DIAPH3: variants seen among roughly 807,000 people sequenced by gnomAD.
DIAPH3 encodes diaphanous related formin 3.
In DIAPH3, 117 loss-of-function variants were observed where a neutral mutation model predicts 144.3. That is an observed-to-expected ratio of 0.81 (90% CI 0.70 to 0.95). DIAPH3 has a LOEUF of 0.95. Ranked by LOEUF, DIAPH3 falls within the 40% of genes least tolerant of loss-of-function variation. DIAPH3 has a pLI of 0.00. For missense variants in DIAPH3, 1,421 were observed against 1,412.7 expected (o/e 1.01, Z -0.09); for synonymous variants, 519 against 488.9 (o/e 1.06, Z -0.81).
intron 25 of DIAPH3, among the ~76,000 whole-genome samples, chr13:59,780,672 C>T (rs2038690048): frequency 6.6e-6 from 1 of 152,106 alleles, no homozygotes; most frequent in Non-Finnish European, 1.5e-5. Context: ...AAAGTGGAAT[C>T]AATAGGTCTT....
intron 5 of DIAPH3, among the ~76,000 whole-genome samples, chr13:60,037,699 C>A (rs1213210643): frequency 6.6e-6 from 1 of 151,716 alleles, no homozygotes; most frequent in Non-Finnish European, 1.5e-5. Context: ...GGATGATGAA[C>A]CTGGAAAAAG....
At chr13:59,911,461 G>C (rs1315017962) in intron 20 of DIAPH3, among the ~76,000 whole-genome samples, 1 of 152,120 alleles carries the variant, frequency 6.6e-6, no homozygotes. Flanking sequence ...AAGAAGTACA[G>C]TTTTTACTTT....
intron 17 of DIAPH3, among the ~76,000 whole-genome samples, chr13:59,965,046 T>C (rs1328639271): frequency 6.6e-6 from 1 of 152,188 alleles, no homozygotes; most frequent in Non-Finnish European, 1.5e-5. Flanking sequence ...TTTGTTTGTA[T>C]AGAGGAATAA....
At chr13:59,714,354 C>T (rs1056280619) in intron 27 of DIAPH3, among the ~76,000 whole-genome samples, 31 of 64,658 alleles carry the variant, frequency 4.8e-4, no homozygotes, top group African/African-American at 1.4e-3. Flanking sequence ...AGCGAGACTC[C>T]GTCTCAAAAA....
chr13:59,812,355 G>C (rs1259252944), intron 24 of DIAPH3, among the ~76,000 whole-genome samples: 2 of 150,758 alleles, frequency 1.3e-5, no homozygotes, highest in Non-Finnish European at 2.9e-5. Flanking sequence ...ACTTACTCTG[G>C]GACTACTAAA....
At chr13:59,987,987 T>G (rs922669538) in intron 12 of DIAPH3, among the ~76,000 whole-genome samples, 2 of 151,790 alleles carry the variant, frequency 1.3e-5, no homozygotes, top group African/African-American at 4.8e-5. Context: ...ACTTTTCCTC[T>G]CTAAATTCTA....
At chr13:59,963,233 T>C (rs927221271) in intron 17 of DIAPH3, among the ~76,000 whole-genome samples, 1 of 152,182 alleles carries the variant, frequency 6.6e-6, no homozygotes, top group Non-Finnish European at 1.5e-5. Context: ...GAATACATTA[T>C]AAGATCATAT....
chr13:59,893,590 A>G (rs1330670792), intron 20 of DIAPH3, among the ~76,000 whole-genome samples: 5 of 152,094 alleles, frequency 3.3e-5, no homozygotes, highest in East Asian at 3.9e-4. Context: ...TATCTTTAAA[A>G]GCAGACATAA....
At chr13:60,098,558 G>A (rs1032216806) in intron 3 of DIAPH3, among the ~76,000 whole-genome samples, 1 of 151,934 alleles carries the variant, frequency 6.6e-6, no homozygotes, top group African/African-American at 2.4e-5. Context: ...ATTAAAATAA[G>A]ACTTCTTTCA....
At chr13:59,845,806 T>C (rs1190794408) in intron 22 of DIAPH3, among the ~76,000 whole-genome samples, 1 of 152,222 alleles carries the variant, frequency 6.6e-6, no homozygotes, top group African/African-American at 2.4e-5. Context: ...CTACTCTCTA[T>C]TTACATTTAT....
At chr13:60,089,110 AACAGCTC>A (rs1354995296) in intron 4 of DIAPH3, among the ~76,000 whole-genome samples, 1 of 152,164 alleles carries the variant, frequency 6.6e-6, no homozygotes, top group Non-Finnish European at 1.5e-5. Flanking sequence ...TACATCCAGA[AACAGCTC>A]ACCTTTAACA....
intron 3 of DIAPH3, among the ~76,000 whole-genome samples, chr13:60,111,107 C>A (rs1417423508): frequency 1.3e-5 from 2 of 152,020 alleles, no homozygotes; most frequent in African/African-American, 4.8e-5. Context: ...GGATGGATAA[C>A]CTAGGTGAGT....
intron 17 of DIAPH3, among the ~76,000 whole-genome samples, chr13:59,967,830 T>C (rs1030885072): frequency 6.6e-6 from 1 of 151,736 alleles, no homozygotes; most frequent in Non-Finnish European, 1.5e-5. Context: ...CACTGAGAAA[T>C]GTTAGCAGGG....
chr13:59,919,307 A>G (rs2047398683), intron 18 of DIAPH3, among the ~76,000 whole-genome samples: 1 of 152,164 alleles, frequency 6.6e-6, no homozygotes, highest in Non-Finnish European at 1.5e-5. Context: ...ATATCCAGAT[A>G]CGGGAAGGTA....
At chr13:59,714,036 T>G (rs1220978157) in intron 27 of DIAPH3, among the ~76,000 whole-genome samples, 1 of 151,758 alleles carries the variant, frequency 6.6e-6, no homozygotes. Context: ...AGTAACACAG[T>G]GAGGTCCCAT....
chr13:59,936,530 A>G (rs2048269708), intron 17 of DIAPH3, among the ~76,000 whole-genome samples: 3 of 152,188 alleles, frequency 2.0e-5, no homozygotes, highest in Admixed American at 2.0e-4. Context: ...AGGGAGAAAA[A>G]TAATCCTGAA....
chr13:59,833,474 G>A (rs1414522379), intron 23 of DIAPH3, among the ~76,000 whole-genome samples: 2 of 151,478 alleles, frequency 1.3e-5, no homozygotes, highest in African/African-American at 4.8e-5. Flanking sequence ...AATTAACTTT[G>A]GGAAATCATT....
intron 21 of DIAPH3, among the ~76,000 whole-genome samples, chr13:59,873,514 T>C (rs527278246): frequency 4.7e-4 from 72 of 152,246 alleles, no homozygotes; most frequent in African/African-American, 1.7e-3. Flanking sequence ...CTGTACAAGC[T>C]AGAGACTTGT....
At chr13:59,950,770 T>C (rs548886409) in intron 17 of DIAPH3, among the ~76,000 whole-genome samples, 46 of 152,202 alleles carry the variant, frequency 3.0e-4, no homozygotes, top group African/African-American at 1.1e-3. Flanking sequence ...AATGTAATAC[T>C]ATACGATCAG....
Sources: allele counts gnomAD v4.1 joint callset (sites outside exome capture counted in the v4.1 genomes callset), GRCh38; gene constraint gnomAD v4.1.1; transcripts MANE v1.5; gene names NCBI Gene and HGNC (gene_info 2026-07-23, HGNC 2026-07-21).